Variants in SVIL observed in about 807,000 individuals in gnomAD.
The protein encoded by SVIL is archvillin.
SVIL carries 101 observed loss-of-function variants against 240.4 expected under a neutral mutation model. The observed-to-expected ratio is 0.42, with a 90% CI of 0.36 to 0.50. SVIL has a LOEUF of 0.50. SVIL is among the 20% of genes least tolerant of loss of function. The probability of loss-of-function intolerance (pLI) is 0.01; values close to 1 mark genes in which losing one functional copy is unlikely to be tolerated. For synonymous variants in SVIL, 999 were observed against 1,100.0 expected (o/e 0.91, Z 1.82); for missense variants, 2,512 against 2,818.7 (o/e 0.89, Z 2.46).
At chr10:29,471,297 T>G (rs1486056439) in intron 30 of SVIL, 54 bp from the exon 31 acceptor site, 1 of 1,370,562 alleles carries the variant, frequency 7.3e-7, no homozygotes, top group African/African-American at 1.5e-5. Context: ...TTCAAAGTCC[T>G]AAAAACAATA....
chr10:29,597,000 GC>G (rs770317743), intron 1 of SVIL, among the ~76,000 whole-genome samples: 1 of 152,068 alleles, frequency 6.6e-6, no homozygotes, highest in East Asian at 1.9e-4. Context: ...GGGCTCTCCC[GC>G]CCCCCTACCA....
Position 29,484,584 on chromosome 10 carries a change from T to C in SVIL, c.4955+72A>G, listed in dbSNP as rs570846303. ...CCTATAAAGAGCGAGAGTAGAGGAC[T>C]GTGGTGAGAACAGAGGGATCGAAGG... On this transcript the variant is annotated intron_variant, in intron 27 of 37. Transcript: ENST00000355867. The surrounding 1 kb of genome is among the most constrained non-coding windows in gnomAD (Gnocchi z 4.7). 105 of 1,400,758 alleles carry C rather than the reference T, an allele frequency of 7.5e-5. No individual in the cohort carries two copies. The South Asian group carries it at 1.4e-3, about 18-fold the overall frequency. 86.8% of individuals were successfully genotyped at this position (1,400,758 alleles called of 1,614,324 possible). A position where few individuals can be genotyped will look rare whatever the true frequency, so the allele number is the denominator to read the frequency against.
chr10:29,601,370 C>T (rs552093887), intron 1 of SVIL, among the ~76,000 whole-genome samples: 4 of 152,320 alleles, frequency 2.6e-5, no homozygotes, highest in African/African-American at 7.2e-5. Context: ...GCTTCTAAAT[C>T]GTTATTAGGG....
chr10:29,578,244 C>G (rs17695481), intron 1 of SVIL, among the ~76,000 whole-genome samples: 19,426 of 152,206 alleles, frequency 0.13, 1,485 homozygotes, highest in Non-Finnish European at 0.17. Context: ...TCCAAAGTAA[C>G]TTCTCTATTT....
rs546747142 is a variant in SVIL, at chr10:29,565,235, A to G, written c.-142-1943T>C. Among the ~76,000 whole-genome samples the G allele has an allele frequency of 7.9e-5, 12 of 152,332 alleles. No individual in the cohort carries two copies. The East Asian group carries it at 1.9e-3, about 25-fold the overall frequency. On this transcript the variant is annotated intron_variant, in intron 2 of 37. Transcript: ENST00000355867. Reference sequence around the variant, plus strand: ...CAGAAAGCTCAATAGAGCCACTAATAAAAAGCAAGAAACTGTCCCTGAGTT... The same window carrying G: ...CAGAAAGCTCAATAGAGCCACTAATGAAAAGCAAGAAACTGTCCCTGAGTT...
chr10:29,605,287 C>A (rs1014082393), intron 1 of SVIL, among the ~76,000 whole-genome samples: 2 of 152,190 alleles, frequency 1.3e-5, no homozygotes, highest in Admixed American at 1.3e-4. Flanking sequence ...GCTACATCAC[C>A]TTGAATCTAA....
chr10:29,706,596 G>A (rs1382517642), intron 1 of SVIL, among the ~76,000 whole-genome samples: 1 of 152,116 alleles, frequency 6.6e-6, no homozygotes, highest in African/African-American at 2.4e-5. Flanking sequence ...CTCCCATTCT[G>A]TGGGTTGCCT....
At chr10:29,528,882 T>C (rs1341773511) in intron 12 of SVIL, among the ~76,000 whole-genome samples, 1 of 151,990 alleles carries the variant, frequency 6.6e-6, no homozygotes, top group Non-Finnish European at 1.5e-5. Context: ...TTTGGAAAGT[T>C]ATCAAACTGC....
intron 2 of SVIL, among the ~76,000 whole-genome samples, chr10:29,568,846 T>G: frequency 6.6e-6 from 1 of 151,654 alleles, no homozygotes; most frequent in Non-Finnish European, 1.5e-5. Flanking sequence ...TTTGTGTATG[T>G]GTGTGTGTCT....
chr10:29,700,840 T>C (rs1412486768), intron 1 of SVIL, among the ~76,000 whole-genome samples: 7 of 152,090 alleles, frequency 4.6e-5, no homozygotes, highest in African/African-American at 7.2e-5. Flanking sequence ...GCAATCACGA[T>C]TTCAGTCCTC....
At chr10:29,688,232 G>A (rs1205470483) in intron 1 of SVIL, among the ~76,000 whole-genome samples, 2 of 152,182 alleles carry the variant, frequency 1.3e-5, no homozygotes, top group African/African-American at 2.4e-5. Flanking sequence ...TGGATGCTTC[G>A]AGGCGGTGAG....
intron 1 of SVIL, among the ~76,000 whole-genome samples, chr10:29,586,762 C>T (rs1956183311): frequency 1.3e-5 from 2 of 152,162 alleles, no homozygotes; most frequent in Non-Finnish European, 2.9e-5. Context: ...AAGCAGGAGG[C>T]TACCATCCTT....
chr10:29,595,887 T>C (rs1956566302), intron 1 of SVIL, among the ~76,000 whole-genome samples: 1 of 152,202 alleles, frequency 6.6e-6, no homozygotes, highest in South Asian at 2.1e-4. Flanking sequence ...CTCTGCCTGC[T>C]CTTGGCCATG....
At chr10:29,504,605 T>C (rs1391245480) in intron 17 of SVIL, among the ~76,000 whole-genome samples, 2 of 152,204 alleles carry the variant, frequency 1.3e-5, no homozygotes, top group Non-Finnish European at 2.9e-5. Flanking sequence ...ACATCATATC[T>C]GCAAATCTCA....
At chr10:29,678,829 G>T (rs1221502706) in intron 2 of SVIL, among the ~76,000 whole-genome samples, 1 of 152,178 alleles carries the variant, frequency 6.6e-6, no homozygotes, top group Admixed American at 6.5e-5. Context: ...CACATTTTAG[G>T]TTGAGGGTAC....
chr10:29,569,635 A>G (rs1955281690), intron 1 of SVIL, among the ~76,000 whole-genome samples: 1 of 152,206 alleles, frequency 6.6e-6, no homozygotes, highest in Non-Finnish European at 1.5e-5. Flanking sequence ...CAACAAGAAT[A>G]ACTCAAAGCA....
At chr10:29,675,567 A>G (rs1028127469) in intron 2 of SVIL, among the ~76,000 whole-genome samples, 1 of 152,076 alleles carries the variant, frequency 6.6e-6, no homozygotes. Flanking sequence ...GACCCCCAGA[A>G]CCTCACAAAG....
intron 1 of SVIL, among the ~76,000 whole-genome samples, chr10:29,608,362 C>T (rs950563427): frequency 2.0e-5 from 3 of 152,238 alleles, no homozygotes; most frequent in African/African-American, 7.2e-5. Flanking sequence ...ACGCCAGCTG[C>T]AGTGGGGAAG....
At chr10:29,605,752 A>G (rs34783951) in intron 1 of SVIL, among the ~76,000 whole-genome samples, 42,082 of 147,598 alleles carry the variant, frequency 0.29, 6,362 homozygotes, top group Admixed American at 0.32. Flanking sequence ...TATATATTTT[A>G]TATAAATAAA....
Sources: gnomAD v4.1 joint callset for allele counts (sites outside exome capture counted in the v4.1 genomes callset) on GRCh38, gnomAD v4.1.1 for gene constraint, Gnocchi (gnomAD v3.1) non-coding constraint, MANE v1.5 for transcripts, NCBI Gene and HGNC (gene_info 2026-07-23, HGNC 2026-07-21) for gene names.